USP31: variants seen among roughly 807,000 people sequenced by gnomAD.
USP31 encodes the protein ubiquitin specific peptidase 31.
A neutral mutation model predicts 119.4 loss-of-function variants in USP31; 44 were observed. That is an observed-to-expected ratio of 0.37 (90% CI 0.29 to 0.47). USP31 has a LOEUF of 0.47. Among genes scored for constraint, USP31 ranks in the 20% least tolerant of loss-of-function variants. The pLI is 0.99. For missense variants in USP31, 1,643 were observed against 1,730.2 expected, an observed-to-expected ratio of 0.95 and a Z score of 0.89; for synonymous variants, 749 against 705.6, an observed-to-expected ratio of 1.06 and a Z score of -0.97.
intron 1 of USP31, among the ~76,000 whole-genome samples, chr16:23,109,323 G>A (rs1318321110): frequency 6.6e-6 from 1 of 152,018 alleles, no homozygotes; most frequent in East Asian, 1.9e-4. Flanking sequence ...ACTGGGACAC[G>A]GGACATGTCA....
At chr16:23,121,146 C>T (rs1482044705) in intron 1 of USP31, among the ~76,000 whole-genome samples, 2 of 152,168 alleles carry the variant, frequency 1.3e-5, no homozygotes, top group Non-Finnish European at 2.9e-5. Context: ...TAAGCAGATC[C>T]AGCAAGTTTC....
intron 14 of USP31, chr16:23,072,572 C>T: frequency 1.9e-6 from 1 of 515,216 alleles, no homozygotes; most frequent in Non-Finnish European, 3.4e-6. Flanking sequence ...TAAGCAATTG[C>T]AGTAATATTT....
At chr16:23,081,120 G>A (rs886038) in intron 12 of USP31, among the ~76,000 whole-genome samples, 34,948 of 152,112 alleles carry the variant, frequency 0.23, 4,798 homozygotes, top group Admixed American at 0.31. Flanking sequence ...CACAGGAGTC[G>A]ATGAAGAGGC....
At chr16:23,109,885 ATCAAGG>A in intron 1 of USP31, among the ~76,000 whole-genome samples, 1 of 137,150 alleles carries the variant, frequency 7.3e-6, no homozygotes, top group Non-Finnish European at 1.6e-5. Context: ...TCTCAAAACT[ATCAAGG>A]TCAAGGATAA....
chr16:23,148,545 C>T (rs750857142), intron 1 of USP31, 93 bp downstream of exon 1: 9 of 1,371,394 alleles, frequency 6.6e-6, no homozygotes, highest in Non-Finnish European at 8.4e-6. Context: ...AGAAGCCTGC[C>T]GGGCCAAGAG....
chr16:23,130,140 G>T (rs186650490), intron 1 of USP31, among the ~76,000 whole-genome samples: 5 of 152,142 alleles, frequency 3.3e-5, no homozygotes, highest in Non-Finnish European at 5.9e-5. Context: ...TCCGGGACAG[G>T]GGGGAAGATA....
chr16:23,102,199 T>C, intron 6 of USP31, 120 bp downstream of exon 6: 1 of 1,089,180 alleles, frequency 9.2e-7, no homozygotes. Flanking sequence ...TAAAAAATCA[T>C]GTGTATTTTA....
intron 1 of USP31, among the ~76,000 whole-genome samples, chr16:23,119,506 T>G (rs968087635): frequency 1.3e-5 from 2 of 152,246 alleles, no homozygotes; most frequent in East Asian, 3.8e-4. Flanking sequence ...CATATAGGAC[T>G]CAGCATCATA....
At chr16:23,107,528 A>G (rs1902157353) in intron 2 of USP31, among the ~76,000 whole-genome samples, 1 of 152,192 alleles carries the variant, frequency 6.6e-6, no homozygotes, top group Non-Finnish European at 1.5e-5. Flanking sequence ...CTTTAGTCTA[A>G]TTTTTTTCCA....
At chr16:23,115,770 T>C in intron 1 of USP31, 3 of 984,816 alleles carry the variant, frequency 3.0e-6, no homozygotes, top group Non-Finnish European at 3.6e-6. Flanking sequence ...TTACCGGGTT[T>C]TCAAGTTTCA....
At chr16:23,117,465 T>C (rs1902528657) in intron 1 of USP31, among the ~76,000 whole-genome samples, 3 of 152,196 alleles carry the variant, frequency 2.0e-5, no homozygotes, top group Admixed American at 2.0e-4. Context: ...TTCAAGAAAT[T>C]ATAACTGACT....
At chr16:23,077,639 C>T (rs1900637704) in intron 13 of USP31, among the ~76,000 whole-genome samples, 1 of 152,156 alleles carries the variant, frequency 6.6e-6, no homozygotes, top group South Asian at 2.1e-4. Context: ...GGTCTTGTTG[C>T]AGAAACCACT....
intron 13 of USP31, among the ~76,000 whole-genome samples, chr16:23,076,136 T>G (rs1900560346): frequency 6.6e-6 from 1 of 150,888 alleles, no homozygotes; most frequent in African/African-American, 2.4e-5. Flanking sequence ...GGATGAGGGG[T>G]GAGAGAGCAT....
Position 23,082,326 on chromosome 16 carries a change from G to C in USP31, c.1950+112C>G, listed in dbSNP as rs1212274566. ...AGTGTGTCTATAACATACACAGACAGGACTCACTGGATCAAACAGGTATAC... is the reference window on the plus strand; with the variant it reads ...AGTGTGTCTATAACATACACAGACACGACTCACTGGATCAAACAGGTATAC... On this transcript the variant is annotated intron_variant, in intron 12 of 15. Transcript: ENST00000219689. 2.9e-6 allele frequency: 4 copies of C among 1,403,304 alleles called. No homozygotes were observed. In the Admixed American group the frequency reaches 7.3e-5, roughly 26 times the overall value. 86.9% of individuals were successfully genotyped at this position (1,403,304 alleles called of 1,614,324 possible). A position where few individuals can be genotyped will look rare whatever the true frequency, so the allele number is the denominator to read the frequency against.
intron 1 of USP31, among the ~76,000 whole-genome samples, chr16:23,134,939 A>C (rs1903144067): frequency 6.6e-6 from 1 of 151,790 alleles, no homozygotes; most frequent in African/African-American, 2.4e-5. Flanking sequence ...AGCTCTTATA[A>C]AGTTTAAAAA....
intron 9 of USP31, among the ~76,000 whole-genome samples, chr16:23,086,132 T>C (rs1901098984): frequency 6.6e-6 from 1 of 152,170 alleles, no homozygotes. Context: ...CCGTCCCAAG[T>C]TCACTGGCTC....
rs1900154086 is a variant in USP31 at position 23,068,036 on chromosome 16, T to C, written c.*10A>G. On this transcript the variant is annotated 3_prime_UTR_variant, in exon 16 of 16. Coordinates refer to ENST00000219689, the MANE Select transcript of USP31 (RefSeq NM_020718.4). ...ATCTTTACAGATAAAACACTTTGAT[T>C]GCAGAAATATCACTGAGGTTTTTGA... The C allele has an allele frequency of 4.4e-6, 7 of 1,599,852 alleles. No individual in the cohort carries two copies. Among genetic ancestry groups the C allele is most frequent in the Non-Finnish European group, 5.1e-6 (6 of 1,172,766 alleles).
chr16:23,132,943 T>A (rs1032332970), intron 1 of USP31, among the ~76,000 whole-genome samples: 1 of 152,198 alleles, frequency 6.6e-6, no homozygotes, highest in Non-Finnish European at 1.5e-5. Context: ...CTGTCAACAC[T>A]GCTTCTAACA....
chr16:23,069,642 TA>T, intron 15 of USP31, 26 bp from the exon 16 acceptor site: 1 of 1,567,802 alleles, frequency 6.4e-7, no homozygotes, highest in Non-Finnish European at 8.7e-7. Context: ...AGAATACTGT[TA>T]AGTTAAGCCA....
Sources: allele counts gnomAD v4.1 joint callset (sites outside exome capture counted in the v4.1 genomes callset), GRCh38; gene constraint gnomAD v4.1.1; transcripts MANE v1.5; gene names NCBI Gene and HGNC (gene_info 2026-07-23, HGNC 2026-07-21).